Variants in PDPR observed in about 807,000 individuals in gnomAD.
PDPR encodes pyruvate dehydrogenase phosphatase regulatory subunit, mitochondrial.
In PDPR, 50 loss-of-function variants were observed where a neutral mutation model predicts 102.2. The observed-to-expected ratio is 0.49, with a 90% CI of 0.39 to 0.62. The LOEUF is 0.62. PDPR is among the 20% of genes least tolerant of loss of function. The pLI is 0.00. For synonymous variants in PDPR, 259 were observed against 406.0 expected, an observed-to-expected ratio of 0.64 and a Z score of 4.35; for missense variants, 625 against 1,098.2, an observed-to-expected ratio of 0.57 and a Z score of 6.09.
chr16:70,145,047 A>G (rs1325709363), intron 15 of PDPR, among the ~76,000 whole-genome samples: 4 of 152,210 alleles, frequency 2.6e-5, no homozygotes, highest in Non-Finnish European at 5.9e-5. Context: ...GAGGTCAGGA[A>G]TTTGAGACCA....
rs1597391549 is a variant in PDPR at position 70,157,932 on chromosome 16, C to G, written c.*1053C>G. 6.5e-6 allele frequency: 1 copy of G among 154,702 alleles called. No homozygotes were observed. Among genetic ancestry groups the G allele is most frequent in the East Asian group, 1.9e-4 (1 of 5,224 alleles). 9.6% of individuals were successfully genotyped at this position (154,702 alleles called of 1,614,324 possible). A position where few individuals can be genotyped will look rare whatever the true frequency, so the allele number is the denominator to read the frequency against. On this transcript the variant is annotated 3_prime_UTR_variant, in exon 19 of 19. Transcript: ENST00000288050. ...GGTGTGTTGTCCTGGGCCTTTCAAC[C>G]TTGCGGGCTGTGCTGAGTTCCAGAG... is the stretch of plus-strand genomic sequence containing the variant.
At position 70,159,699 on chromosome 16, in the gene PDPR, C is replaced by T. The variant is rs1438427925; in HGVS notation, c.*2820C>T. 1 of 152,844 alleles carries T rather than the reference C, an allele frequency of 6.5e-6. No individual in the cohort carries two copies. The highest frequency in any genetic ancestry group is 1.5e-5 in the Non-Finnish European group (1 of 68,492). The allele number at this position is 152,844 out of a possible 1,614,324, so 9.5% of individuals were successfully genotyped here. A position where few individuals can be genotyped will look rare whatever the true frequency, so the allele number is the denominator to read the frequency against. ...TGTTCAAGAGGAGAGGGCAGCATAACTTCCTGACCACCGGTGTCAGATATC... is the reference window on the plus strand; with the variant it reads ...TGTTCAAGAGGAGAGGGCAGCATAATTTCCTGACCACCGGTGTCAGATATC... On this transcript the variant is annotated 3_prime_UTR_variant, in exon 19 of 19. Coordinates refer to ENST00000288050, the MANE Select transcript of PDPR (RefSeq NM_017990.5).
At chr16:70,124,782 G>T (rs1470609411) in intron 3 of PDPR, among the ~76,000 whole-genome samples, 1 of 152,210 alleles carries the variant, frequency 6.6e-6, no homozygotes, top group South Asian at 2.1e-4. Context: ...TCTCTTTAGG[G>T]AGCTGACAAT....
intron 17 of PDPR, among the ~76,000 whole-genome samples, chr16:70,152,325 C>T (rs1966798059): frequency 6.6e-6 from 1 of 152,272 alleles, no homozygotes; most frequent in Non-Finnish European, 1.5e-5. Context: ...TCGAGAGCAG[C>T]CTGGTCAACA....
chr16:70,141,226 G>A (rs1378213976), intron 11 of PDPR, among the ~76,000 whole-genome samples: 5 of 152,244 alleles, frequency 3.3e-5, no homozygotes, highest in Non-Finnish European at 5.9e-5. Context: ...GCTAATTTAT[G>A]TATTTTTAGT....
chr16:70,146,540 A>C (rs1966255371), intron 16 of PDPR, among the ~76,000 whole-genome samples: 1 of 113,810 alleles, frequency 8.8e-6, no homozygotes. Context: ...AATCGCTTGA[A>C]CTCTGGAGGC....
At chr16:70,138,207 ATTTTTTTTTTTT>A (rs1201065640) in intron 10 of PDPR, among the ~76,000 whole-genome samples, 6 of 94,048 alleles carry the variant, frequency 6.4e-5, no homozygotes, top group Admixed American at 1.4e-4. Context: ...ACGCCGGCTA[ATTTTTTTTTTTT>A]TTTTTTTTTT....
rs1033785729 is a variant in PDPR, at chr16:70,159,443, T to G, written c.*2564T>G. On this transcript the variant is annotated 3_prime_UTR_variant, in exon 19 of 19. Transcript: ENST00000288050. ...TAAGACTGATGGGGTGTTGATCTTCTAGGACATCACTTGTTTATTCAGTGC... is the reference window on the plus strand; with the variant it reads ...TAAGACTGATGGGGTGTTGATCTTCGAGGACATCACTTGTTTATTCAGTGC... 6.6e-6 allele frequency: 1 copy of G among 152,632 alleles called. No homozygotes were observed. The highest frequency in any genetic ancestry group is 1.5e-5 in the Non-Finnish European group (1 of 68,294). 9.5% of individuals were successfully genotyped at this position (152,632 alleles called of 1,614,324 possible).
In PDPR at chr16:70,130,005, G is replaced by A. The variant is rs147346916; in HGVS notation, c.608-418G>A. On this transcript the variant is annotated intron_variant, in intron 6 of 18. Coordinates refer to ENST00000288050, the MANE Select transcript of PDPR (RefSeq NM_017990.5). The stretch of plus-strand genomic sequence containing the variant: ...GGTTTTGTGTTTTTTTTAAATGAAA[G>A]CATTGAGCCGGGCGTGGTGTCTCAT... 9.7e-3 allele frequency among the ~76,000 whole-genome samples: 1,469 copies of A among 151,740 alleles called. 2 individuals carry two copies. Among genetic ancestry groups the A allele is most frequent in the Middle Eastern group, 0.024 (7 of 292 alleles).
At chr16:70,150,893 C>G (rs1966682209) in intron 17 of PDPR, among the ~76,000 whole-genome samples, 1 of 152,264 alleles carries the variant, frequency 6.6e-6, no homozygotes, top group Non-Finnish European at 1.5e-5. Flanking sequence ...AGTCATCCCA[C>G]TTCAGCTTCC....
Position 70,114,847 on chromosome 16 carries a change from G to C in PDPR, c.-116G>C, listed in dbSNP as rs1962481246. Reference sequence around the variant, plus strand: ...TGGAACTGTTTTCCCGCGTTGAGACGTGCGGTCCGCTTGTGCTTTTAGAAC... The same window carrying C: ...TGGAACTGTTTTCCCGCGTTGAGACCTGCGGTCCGCTTGTGCTTTTAGAAC... On this transcript the variant is annotated 5_prime_UTR_variant, in exon 2 of 19. Coordinates refer to ENST00000288050, the MANE Select transcript of PDPR (RefSeq NM_017990.5). 1 of 152,318 alleles carries C rather than the reference G, an allele frequency of 6.6e-6. No homozygotes were observed. Among genetic ancestry groups the C allele is most frequent in the South Asian group, 2.1e-4 (1 of 4,836 alleles). The allele number at this position is 152,318 out of a possible 1,614,324, so 9.4% of individuals were successfully genotyped here. A position where few individuals can be genotyped will look rare whatever the true frequency, so the allele number is the denominator to read the frequency against.
At chr16:70,117,011 A>C (rs533096465) in intron 2 of PDPR, among the ~76,000 whole-genome samples, 6,677 of 147,960 alleles carry the variant, frequency 0.045, 223 homozygotes, top group African/African-American at 0.16. Flanking sequence ...AGTCATGATT[A>C]AATAGCCGGC....
chr16:70,131,154 T>C (rs997230469), intron 7 of PDPR, 148 bp from the exon 8 acceptor site: 1 of 653,848 alleles, frequency 1.5e-6, no homozygotes, highest in African/African-American at 1.8e-5. Flanking sequence ...CCCATCCAAA[T>C]AATTGAACTA....
Position 70,161,433 on chromosome 16 carries a change from A to C in PDPR, c.*4554A>C, listed in dbSNP as rs1164948373. 6.5e-6 allele frequency: 1 copy of C among 152,736 alleles called. No homozygotes were observed. The highest frequency in any genetic ancestry group is 1.9e-4 in the East Asian group (1 of 5,212). The allele number at this position is 152,736 out of a possible 1,614,324, so 9.5% of individuals were successfully genotyped here. ...TATAAGCAGTATTAACACAGTATAA[A>C]GAATGTTCACCTTGCATATGTCATT... On this transcript the variant is annotated 3_prime_UTR_variant, in exon 19 of 19. Transcript: ENST00000288050.
chr16:70,133,462 G>A (rs1297083775), intron 9 of PDPR, among the ~76,000 whole-genome samples: 11 of 123,230 alleles, frequency 8.9e-5, no homozygotes, highest in Admixed American at 7.5e-4. Context: ...CTGTCGCCCA[G>A]ACTGGAGTGC....
chr16:70,120,931 C>CTTT (rs71385643), intron 3 of PDPR, among the ~76,000 whole-genome samples: 5 of 103,050 alleles, frequency 4.9e-5, no homozygotes, highest in African/African-American at 7.7e-5. Flanking sequence ...TTTCGTTTTC[C>CTTT]TTTTTTTTTT....
chr16:70,129,683 C>T (rs748352670), intron 6 of PDPR, among the ~76,000 whole-genome samples: 43 of 152,220 alleles, frequency 2.8e-4, no homozygotes, highest in South Asian at 6.2e-4. Context: ...TAATATTTTC[C>T]GCCACAGGAC....
chr16:70,131,677 A>G (rs1270578240), intron 8 of PDPR: 1 of 984,734 alleles, frequency 1.0e-6, no homozygotes, highest in East Asian at 1.1e-4. Context: ...GTCATTGAGA[A>G]TATTTGGACT....
chr16:70,147,374 C>G (rs1966322025), intron 16 of PDPR, among the ~76,000 whole-genome samples: 2 of 152,392 alleles, frequency 1.3e-5, no homozygotes, highest in Non-Finnish European at 2.9e-5. Context: ...TTTGAAGTTA[C>G]AGGATTATGA....
Sources: allele counts gnomAD v4.1 joint callset (sites outside exome capture counted in the v4.1 genomes callset), GRCh38; gene constraint gnomAD v4.1.1; transcripts MANE v1.5; gene names NCBI Gene and HGNC (gene_info 2026-07-23, HGNC 2026-07-21).